LCLAT1: variants seen among roughly 807,000 people sequenced by gnomAD.
LCLAT1 encodes lysocardiolipin acyltransferase 1, also known as 1-AGP acyltransferase 8.
LCLAT1 carries 11 observed loss-of-function variants against 30.7 expected under a neutral mutation model. The ratio of observed to expected loss-of-function variants is 0.36; its 90% CI spans 0.23 to 0.59. The LOEUF (loss-of-function observed/expected upper bound fraction) is 0.59, where lower values mean the gene tolerates loss of function less well. Ranked by LOEUF, LCLAT1 falls within the 20% of genes least tolerant of loss-of-function variation. LCLAT1 has a pLI of 0.77. For missense variants in LCLAT1, 402 were observed against 458.6 expected (o/e 0.88, Z 1.13); for synonymous variants, 155 against 151.3 (o/e 1.02, Z -0.18).
At chr2:30,450,635 C>T (rs1235811208) in intron 1 of LCLAT1, among the ~76,000 whole-genome samples, 4 of 152,188 alleles carry the variant, frequency 2.6e-5, no homozygotes. Flanking sequence ...GTGTGTAACA[C>T]TAAAGTTGTC....
At chr2:30,491,880 TAAGAA>T (rs1321056489) in intron 1 of LCLAT1, among the ~76,000 whole-genome samples, 2 of 152,182 alleles carry the variant, frequency 1.3e-5, no homozygotes, top group African/African-American at 4.8e-5. Context: ...AAATTAGTGA[TAAGAA>T]AAGGGAATAT....
intron 1 of LCLAT1, among the ~76,000 whole-genome samples, chr2:30,508,846 A>C (rs1189071921): frequency 2.0e-5 from 3 of 152,180 alleles, no homozygotes; most frequent in Non-Finnish European, 4.4e-5. Context: ...GAATCTATAA[A>C]TTACTTTGTG....
intron 5 of LCLAT1, among the ~76,000 whole-genome samples, chr2:30,623,835 A>C (rs1668385494): frequency 6.6e-6 from 1 of 152,218 alleles, no homozygotes; most frequent in African/African-American, 2.4e-5. Flanking sequence ...TCAAGATGAA[A>C]GAAAGAATCT....
At chr2:30,452,045 GA>G (rs1283372942) in intron 1 of LCLAT1, among the ~76,000 whole-genome samples, 3 of 152,238 alleles carry the variant, frequency 2.0e-5, no homozygotes, top group Admixed American at 6.5e-5. Context: ...CCTGGTGACA[GA>G]AGTCAGAATA....
rs545472731 is a variant in LCLAT1, at chr2:30,622,186, A to G, written c.629-17931A>G. Among the ~76,000 whole-genome samples, 188 of 152,078 alleles carry G rather than the reference A, an allele frequency of 1.2e-3. 1 individual carries two copies. Among genetic ancestry groups the G allele is most frequent in the South Asian group, 4.2e-3 (20 of 4,818 alleles). On this transcript the variant is annotated intron_variant, in intron 5 of 5. Transcript: ENST00000379509. ...GACACAGCAGAGGCAGCCATAATCCACCTGAGAACATAAGTCCATTGGCCT... is the reference window on the plus strand; with the variant it reads ...GACACAGCAGAGGCAGCCATAATCCGCCTGAGAACATAAGTCCATTGGCCT...
intron 1 of LCLAT1, among the ~76,000 whole-genome samples, chr2:30,464,803 A>T (rs1030060098): frequency 2.0e-5 from 3 of 152,230 alleles, no homozygotes; most frequent in Non-Finnish European, 4.4e-5. Context: ...TCTGGAGACT[A>T]GGATAGTATC....
At chr2:30,485,530 T>C (rs1198698981) in intron 1 of LCLAT1, among the ~76,000 whole-genome samples, 1 of 152,184 alleles carries the variant, frequency 6.6e-6, no homozygotes, top group African/African-American at 2.4e-5. Context: ...CACGTTTCCA[T>C]TGTCATAAAT....
intron 5 of LCLAT1, among the ~76,000 whole-genome samples, chr2:30,622,090 AGAGT>A (rs1185123787): frequency 6.6e-6 from 1 of 152,182 alleles, no homozygotes; most frequent in East Asian, 1.9e-4. Flanking sequence ...GGACACGGCA[AGAGT>A]GAGACCAGCC....
chr2:30,550,054 C>T (rs1305590939), intron 3 of LCLAT1, among the ~76,000 whole-genome samples: 8 of 152,040 alleles, frequency 5.3e-5, no homozygotes, highest in Non-Finnish European at 8.8e-5. Flanking sequence ...GTATAGTAAG[C>T]GAATTCCAAG....
At chr2:30,622,705 A>G (rs1169980453) in intron 5 of LCLAT1, among the ~76,000 whole-genome samples, 4 of 152,178 alleles carry the variant, frequency 2.6e-5, no homozygotes, top group Non-Finnish European at 5.9e-5. Context: ...AAAAGAAGTA[A>G]CAGTCACTGC....
chr2:30,448,798 C>G (rs768830042), intron 1 of LCLAT1, among the ~76,000 whole-genome samples: 1 of 152,298 alleles, frequency 6.6e-6, no homozygotes, highest in Non-Finnish European at 1.5e-5. Context: ...AGTCCAAACT[C>G]TGCCACTTAA....
intron 1 of LCLAT1, among the ~76,000 whole-genome samples, chr2:30,483,356 C>A (rs538483463): frequency 3.3e-5 from 5 of 152,098 alleles, no homozygotes; most frequent in African/African-American, 1.2e-4. Flanking sequence ...TAAAACTACT[C>A]CAAAGTAAAA....
chr2:30,619,076 A>G (rs1337119976), intron 5 of LCLAT1, among the ~76,000 whole-genome samples: 2 of 152,194 alleles, frequency 1.3e-5, no homozygotes, highest in Admixed American at 6.5e-5. Context: ...AGTACACCTA[A>G]TGACTTGGGT....
chr2:30,580,202 G>A (rs1432191336), intron 5 of LCLAT1, among the ~76,000 whole-genome samples: 3 of 152,080 alleles, frequency 2.0e-5, no homozygotes, highest in African/African-American at 7.2e-5. Context: ...AATAAATCTT[G>A]TCTTTTCTGT....
At chr2:30,612,311 A>T (rs1019767760) in intron 5 of LCLAT1, among the ~76,000 whole-genome samples, 4 of 152,184 alleles carry the variant, frequency 2.6e-5, no homozygotes, top group African/African-American at 7.2e-5. Flanking sequence ...AAGAGTATTT[A>T]TATCACGGTT....
At chr2:30,594,527 C>G (rs1239418630) in intron 5 of LCLAT1, among the ~76,000 whole-genome samples, 2 of 152,094 alleles carry the variant, frequency 1.3e-5, no homozygotes, top group African/African-American at 2.4e-5. Context: ...ATTGCTGTTT[C>G]ATTTAGCTCT....
chr2:30,549,174 G>C (rs1664564855), intron 3 of LCLAT1, among the ~76,000 whole-genome samples: 1 of 152,216 alleles, frequency 6.6e-6, no homozygotes, highest in Non-Finnish European at 1.5e-5. Flanking sequence ...GAAGTTGACA[G>C]TTTCTTTGGC....
At chr2:30,538,811 A>G (rs1218173345) in intron 3 of LCLAT1, among the ~76,000 whole-genome samples, 1 of 152,094 alleles carries the variant, frequency 6.6e-6, no homozygotes, top group Non-Finnish European at 1.5e-5. Context: ...GAACATATAA[A>G]CTTTCAAGAT....
At chr2:30,546,977 C>A (rs1299321149) in intron 3 of LCLAT1, among the ~76,000 whole-genome samples, 1 of 152,018 alleles carries the variant, frequency 6.6e-6, no homozygotes, top group Non-Finnish European at 1.5e-5. Flanking sequence ...CGATTTTGTG[C>A]CAGGAAACTC....
Sources: allele counts gnomAD v4.1 joint callset (sites outside exome capture counted in the v4.1 genomes callset), GRCh38; gene constraint gnomAD v4.1.1; transcripts MANE v1.5; gene names NCBI Gene and HGNC (gene_info 2026-07-23, HGNC 2026-07-21).